CNTNAP3B: variants seen among roughly 807,000 people sequenced by gnomAD.
CNTNAP3B encodes contactin-associated protein-like 3B.
CNTNAP3B carries 25 observed loss-of-function variants against 108.9 expected under a neutral mutation model. The ratio of observed to expected loss-of-function variants is 0.23; its 90% CI spans 0.17 to 0.32. CNTNAP3B has a LOEUF of 0.32. Among genes scored for constraint, CNTNAP3B ranks in the 10% least tolerant of loss-of-function variants. The probability of loss-of-function intolerance (pLI) is 1.00; values close to 1 mark genes in which losing one functional copy is unlikely to be tolerated. For synonymous variants in CNTNAP3B, 103 were observed against 473.4 expected, an observed-to-expected ratio of 0.22 and a Z score of 10.16; for missense variants, 252 against 1,210.4, an observed-to-expected ratio of 0.21 and a Z score of 11.75.
At chr9:42,024,679 A>G (rs1191008570) in intron 3 of CNTNAP3B, among the ~76,000 whole-genome samples, 1 of 137,196 alleles carries the variant, frequency 7.3e-6, no homozygotes, top group African/African-American at 2.8e-5. Flanking sequence ...CAAAAAAAAA[A>G]AAAAAGAAAA....
intron 11 of CNTNAP3B, among the ~76,000 whole-genome samples, chr9:41,961,544 T>G (rs1429588381): frequency 1.3e-5 from 2 of 152,310 alleles, no homozygotes; most frequent in Non-Finnish European, 2.9e-5. Context: ...TCTGGTATTT[T>G]CCCATAAGCA....
chr9:42,054,704 A>T (rs1281710912), intron 3 of CNTNAP3B, among the ~76,000 whole-genome samples: 2 of 151,900 alleles, frequency 1.3e-5, no homozygotes, highest in Non-Finnish European at 2.9e-5. Flanking sequence ...AAAAAACACC[A>T]CTAAAATAAA....
chr9:42,053,927 T>C (rs1420743927), intron 3 of CNTNAP3B, among the ~76,000 whole-genome samples: 1 of 150,930 alleles, frequency 6.6e-6, no homozygotes, highest in African/African-American at 2.5e-5. Flanking sequence ...GGCAGACTTG[T>C]ATTGATGCAT....
intron 3 of CNTNAP3B, among the ~76,000 whole-genome samples, chr9:42,075,432 G>A (rs1295574180): frequency 7.2e-6 from 1 of 138,178 alleles, no homozygotes; most frequent in Non-Finnish European, 1.5e-5. Flanking sequence ...ACTTGTTCCA[G>A]TGAAGCTCAA....
At chr9:41,934,174 T>TACACACACACAC (rs1824078673) in intron 14 of CNTNAP3B, among the ~76,000 whole-genome samples, 2 of 133,330 alleles carry the variant, frequency 1.5e-5, no homozygotes, top group Non-Finnish European at 3.2e-5. Flanking sequence ...CACACATATA[T>TACACACACACAC]ATACACACAC....
rs577208594 is a variant in CNTNAP3B, at chr9:42,062,724, C to T, written c.390+14145G>A. 3.3e-4 allele frequency among the ~76,000 whole-genome samples: 32 copies of T among 96,488 alleles called. 8 individuals carry two copies. Among genetic ancestry groups the T allele is most frequent in the South Asian group, 3.1e-3 (10 of 3,246 alleles). The allele number at this position is 96,488 out of a possible 152,430, so 63.3% of individuals were successfully genotyped here. A position where few individuals can be genotyped will look rare whatever the true frequency, so the allele number is the denominator to read the frequency against. On this transcript the variant is annotated intron_variant, in intron 3 of 23. Coordinates refer to ENST00000377561, the MANE Select transcript of CNTNAP3B (RefSeq NM_001201380.3). ...TTTCTAGCTTTGTTTTCCTTTGTTC[C>T]TTCCTTCTCTTTCCATCTTCCTTTG...
chr9:41,943,373 G>C (rs1211825197), intron 13 of CNTNAP3B, among the ~76,000 whole-genome samples: 6 of 107,546 alleles, frequency 5.6e-5, no homozygotes, highest in African/African-American at 2.0e-4. Context: ...TTTTTTTTGA[G>C]ATGGAGTCTC....
rs983134119 is a variant in CNTNAP3B at position 41,954,660 on chromosome 9, AT to A, written c.1877-1275del. Among the ~76,000 whole-genome samples the A allele has an allele frequency of 3.0e-4, 45 of 152,306 alleles. No individual in the cohort carries two copies. In the South Asian group the frequency reaches 7.5e-3, roughly 25 times the overall value. On this transcript the variant is annotated intron_variant, in intron 12 of 23. Transcript: ENST00000377561. ...TGGGTTCTTCCTTTAATATTGCTCTATTTTTTTATTTTAGATTTTTTATTTA... is the reference window on the plus strand; with the variant it reads ...TGGGTTCTTCCTTTAATATTGCTCTATTTTTTATTTTAGATTTTTTATTTA...
chr9:41,955,958 T>A (rs1332724093), intron 12 of CNTNAP3B, among the ~76,000 whole-genome samples: 1 of 152,224 alleles, frequency 6.6e-6, no homozygotes, highest in South Asian at 2.1e-4. Context: ...CCAGCCTAAC[T>A]TAAATGTGCT....
intron 8 of CNTNAP3B, among the ~76,000 whole-genome samples, chr9:41,991,103 A>T (rs1240619088): frequency 7.7e-6 from 1 of 130,674 alleles, no homozygotes; most frequent in East Asian, 2.4e-4. Flanking sequence ...GTGCCCGGCT[A>T]TCCCAGAAAA....
intron 2 of CNTNAP3B, among the ~76,000 whole-genome samples, chr9:42,088,745 A>G (rs1166950838): frequency 7.3e-6 from 1 of 136,706 alleles, no homozygotes; most frequent in African/African-American, 2.9e-5. Flanking sequence ...AGGCACAGAT[A>G]AAAAATTTAG....
At chr9:42,099,656 C>T (rs1433085566) in intron 2 of CNTNAP3B, among the ~76,000 whole-genome samples, 2 of 105,620 alleles carry the variant, frequency 1.9e-5, no homozygotes, top group Non-Finnish European at 3.8e-5. Context: ...TAGTGAAGGC[C>T]CCTTGAAAAA....
intron 17 of CNTNAP3B, among the ~76,000 whole-genome samples, chr9:41,921,119 C>A (rs1445321351): frequency 1.8e-4 from 28 of 152,320 alleles, no homozygotes; most frequent in African/African-American, 6.7e-4. Flanking sequence ...GTGGGGGCCC[C>A]AAATCTGAAC....
intron 10 of CNTNAP3B, among the ~76,000 whole-genome samples, chr9:41,967,680 A>T (rs1369869725): frequency 3.7e-4 from 56 of 152,328 alleles, no homozygotes; most frequent in Non-Finnish European, 6.6e-4. Flanking sequence ...TTTAATTTTA[A>T]CTCTGTAGGA....
chr9:42,080,145 G>A (rs1298146355), intron 2 of CNTNAP3B, among the ~76,000 whole-genome samples: 1 of 135,522 alleles, frequency 7.4e-6, no homozygotes, highest in East Asian at 2.2e-4. Flanking sequence ...ACCCTGGGAT[G>A]GTGTGTTTTC....
intron 3 of CNTNAP3B, among the ~76,000 whole-genome samples, chr9:42,056,602 G>A (rs1427842706): frequency 1.5e-5 from 2 of 137,826 alleles, no homozygotes; most frequent in African/African-American, 2.9e-5. Context: ...TGCCCACCTC[G>A]GCCTTCCAAA....
At chr9:41,918,448 G>A (rs1316094209) in intron 18 of CNTNAP3B, among the ~76,000 whole-genome samples, 3 of 145,148 alleles carry the variant, frequency 2.1e-5, no homozygotes, top group Non-Finnish European at 4.5e-5. Flanking sequence ...AATGTGTTTA[G>A]TACACACATA....
In CNTNAP3B at chr9:42,126,682, G is replaced by A. The variant is rs1265184725; in HGVS notation, c.85+2328C>T. Among the ~76,000 whole-genome samples the A allele has an allele frequency of 3.0e-5, 4 of 134,912 alleles. 1 individual carries two copies. The highest frequency in any genetic ancestry group is 6.3e-5 in the Non-Finnish European group (4 of 63,716). The allele number at this position is 134,912 out of a possible 152,430, so 88.5% of individuals were successfully genotyped here. A position where few individuals can be genotyped will look rare whatever the true frequency, so the allele number is the denominator to read the frequency against. On this transcript the variant is annotated intron_variant, in intron 1 of 23. Transcript: ENST00000377561. ...CCTCCCAGGTTCAAGCGATTCTCCTGCCTCAGCCTCCCGAGTAGCTGGAAT... is the reference window on the plus strand; with the variant it reads ...CCTCCCAGGTTCAAGCGATTCTCCTACCTCAGCCTCCCGAGTAGCTGGAAT...
chr9:42,085,191 T>C (rs1392368339), intron 2 of CNTNAP3B, among the ~76,000 whole-genome samples: 4 of 151,770 alleles, frequency 2.6e-5, no homozygotes, highest in Non-Finnish European at 5.9e-5. Context: ...GCAAAGACAG[T>C]ACAGAGAAGT....
Sources: gnomAD v4.1 joint callset for allele counts (sites outside exome capture counted in the v4.1 genomes callset) on GRCh38, gnomAD v4.1.1 for gene constraint, MANE v1.5 for transcripts, NCBI Gene and HGNC (gene_info 2026-07-23, HGNC 2026-07-21) for gene names.